The following ZRANB3 variants were observed in gnomAD, a reference collection of about 807,000 sequenced individuals.
ZRANB3 encodes DNA annealing helicase and endonuclease ZRANB3.
A neutral mutation model predicts 133.8 loss-of-function variants in ZRANB3; 125 were observed. That is an observed-to-expected ratio of 0.93 (90% CI 0.81 to 1.08). The LOEUF (loss-of-function observed/expected upper bound fraction) is 1.08. ZRANB3 is among the 50% of genes least tolerant of loss of function. The pLI is 0.00. For missense variants in ZRANB3, 1,229 were observed against 1,275.5 expected (o/e 0.96, Z 0.56); for synonymous variants, 387 against 432.7 (o/e 0.89, Z 1.31).
chr2:135,258,185 G>A (rs1032562344), intron 12 of ZRANB3, among the ~76,000 whole-genome samples: 1 of 152,146 alleles, frequency 6.6e-6, no homozygotes, highest in African/African-American at 2.4e-5. Context: ...CACAGTGGCT[G>A]CAAGAAATAA....
intron 8 of ZRANB3, 139 bp downstream of exon 8, chr2:135,313,350 A>G: frequency 1.7e-6 from 1 of 572,316 alleles, no homozygotes; most frequent in Non-Finnish European, 2.9e-6. Flanking sequence ...GAGGCTCCCA[A>G]CTCAAAAAAA....
chr2:135,327,627 G>A (rs1024836537), intron 6 of ZRANB3, among the ~76,000 whole-genome samples: 1 of 152,122 alleles, frequency 6.6e-6, no homozygotes, highest in African/African-American at 2.4e-5. Context: ...GAAAACGGGT[G>A]TCAAAGGGTG....
At chr2:135,319,261 A>C (rs952907559) in intron 6 of ZRANB3, among the ~76,000 whole-genome samples, 10 of 152,258 alleles carry the variant, frequency 6.6e-5, no homozygotes, top group Non-Finnish European at 1.5e-5. Flanking sequence ...AAATGCTTAC[A>C]GATGTTCCTA....
At chr2:135,378,870 T>A (rs57692778) in intron 3 of ZRANB3, among the ~76,000 whole-genome samples, 40,182 of 152,034 alleles carry the variant, frequency 0.26, 8,883 homozygotes, top group African/African-American at 0.59. Context: ...AAACAAACAG[T>A]GTGTGAGAAA....
chr2:135,417,121 A>T (rs552262602), intron 2 of ZRANB3, among the ~76,000 whole-genome samples: 2 of 152,316 alleles, frequency 1.3e-5, no homozygotes, highest in Admixed American at 1.3e-4. Flanking sequence ...GGATCTAATT[A>T]AACTAAAGAG....
chr2:135,475,617 A>G lies in ZRANB3; in HGVS notation c.161+28712T>C, dbSNP rs113991388. On this transcript the variant is annotated intron_variant, in intron 2 of 20. Transcript: ENST00000264159. ...TCTTTTGTGCTATCCCAGTGTTATT[A>G]AGTACTTAAAACAATGCTAAGCACT... is the stretch of plus-strand genomic sequence containing the variant. 3.0e-3 allele frequency among the ~76,000 whole-genome samples: 454 copies of G among 152,308 alleles called. 3 individuals are homozygous for G. The highest frequency in any genetic ancestry group is 0.01 in the African/African-American group (422 of 41,568).
chr2:135,459,639 GAT>G lies in ZRANB3; in HGVS notation c.161+44688_161+44689del, dbSNP rs1286800655. ...AAAACATAAAGGTCTAAAAAAGTAAGATATACACAAAGAAAAAAGTTTTCATC... is the reference window on the plus strand; with the variant it reads ...AAAACATAAAGGTCTAAAAAAGTAAGATACACAAAGAAAAAAGTTTTCATC... On this transcript the variant is annotated intron_variant, in intron 2 of 20. Transcript: ENST00000264159. Among the ~76,000 whole-genome samples, 3 of 151,994 alleles carry G rather than the reference GAT, an allele frequency of 2.0e-5. No homozygotes were observed. The East Asian group carries it at 5.8e-4, about 29-fold the overall frequency.
At position 135,525,991 on chromosome 2, in the gene ZRANB3, T is replaced by C. The variant is rs899748724; in HGVS notation, c.-8+5136A>G. On this transcript the variant is annotated intron_variant, in intron 1 of 20. Coordinates refer to ENST00000264159, the MANE Select transcript of ZRANB3 (RefSeq NM_032143.4). The stretch of plus-strand genomic sequence containing the variant: ...ACTTACATGAGGTATCTAAAGTATG[T>C]AGTCAAATTCAGAAACAGAAAGTGG... Among the ~76,000 whole-genome samples, 4 of 152,052 alleles carry C rather than the reference T, an allele frequency of 2.6e-5. No homozygotes were observed. The East Asian group carries it at 7.7e-4, about 29-fold the overall frequency.
At chr2:135,507,225 T>C (rs1043461699) in intron 1 of ZRANB3, among the ~76,000 whole-genome samples, 28 of 152,154 alleles carry the variant, frequency 1.8e-4, no homozygotes, top group African/African-American at 6.8e-4. Context: ...TGGTAAGGAC[T>C]ACAGAATAAA....
At chr2:135,508,568 C>A (rs1281575746) in intron 1 of ZRANB3, among the ~76,000 whole-genome samples, 1 of 151,704 alleles carries the variant, frequency 6.6e-6, no homozygotes, top group African/African-American at 2.4e-5. Context: ...TGAAAATGTA[C>A]AGAAAAAAAT....
At chr2:135,397,825 CAA>C (rs1270652952) in intron 2 of ZRANB3, among the ~76,000 whole-genome samples, 1 of 152,066 alleles carries the variant, frequency 6.6e-6, no homozygotes, top group African/African-American at 2.4e-5. Flanking sequence ...AGCCCTAGAT[CAA>C]GAGGAAAGCT....
At chr2:135,318,555 T>C (rs558740800) in intron 6 of ZRANB3, among the ~76,000 whole-genome samples, 4 of 152,246 alleles carry the variant, frequency 2.6e-5, no homozygotes, top group African/African-American at 7.2e-5. Context: ...TTATGTAGTA[T>C]GTGTGTAGAT....
chr2:135,454,496 T>C (rs937918641), intron 2 of ZRANB3, among the ~76,000 whole-genome samples: 5 of 152,164 alleles, frequency 3.3e-5, no homozygotes, highest in Non-Finnish European at 5.9e-5. Flanking sequence ...TATAGATTAA[T>C]TGCAGAGTGG....
At chr2:135,273,296 T>C (rs892956993) in intron 9 of ZRANB3, among the ~76,000 whole-genome samples, 3 of 152,084 alleles carry the variant, frequency 2.0e-5, no homozygotes, top group Admixed American at 6.5e-5. Flanking sequence ...ATAGAAAATA[T>C]AGCCTTAAAT....
At chr2:135,316,702 T>C (rs567768035) in intron 6 of ZRANB3, among the ~76,000 whole-genome samples, 1 of 152,208 alleles carries the variant, frequency 6.6e-6, no homozygotes, top group African/African-American at 2.4e-5. Flanking sequence ...GCACGGTGGC[T>C]CACGCCCGTA....
chr2:135,479,181 A>G (rs1691645752), intron 2 of ZRANB3, among the ~76,000 whole-genome samples: 1 of 151,804 alleles, frequency 6.6e-6, no homozygotes, highest in South Asian at 2.1e-4. Flanking sequence ...TTATATATGC[A>G]TATCTCCAAC....
intron 6 of ZRANB3, among the ~76,000 whole-genome samples, chr2:135,321,869 C>T (rs1029344966): frequency 6.6e-6 from 1 of 152,080 alleles, no homozygotes; most frequent in African/African-American, 2.4e-5. Flanking sequence ...ACAATTTTCT[C>T]TCCAAGTTTA....
intron 2 of ZRANB3, among the ~76,000 whole-genome samples, chr2:135,469,003 A>C (rs571047215): frequency 1.3e-5 from 2 of 152,340 alleles, no homozygotes; most frequent in South Asian, 4.1e-4. Context: ...AAATTATAAA[A>C]AATAAAGATG....
intron 6 of ZRANB3, among the ~76,000 whole-genome samples, chr2:135,318,212 TTGTGTGTGTGTG>T (rs58455313): frequency 2.7e-3 from 371 of 136,968 alleles, no homozygotes; most frequent in African/African-American, 5.9e-3. Flanking sequence ...ACACACTATT[TTGTGTGTGTGTG>T]TGTGTGTGTG....
Sources: allele counts gnomAD v4.1 joint callset (sites outside exome capture counted in the v4.1 genomes callset), GRCh38; gene constraint gnomAD v4.1.1; transcripts MANE v1.5; gene names NCBI Gene and HGNC (gene_info 2026-07-23, HGNC 2026-07-21).